Variants in UBR2 observed in about 807,000 individuals in gnomAD.
UBR2 encodes the protein ubiquitin protein ligase E3 component n-recognin 2.
In UBR2, 92 loss-of-function variants were observed where a neutral mutation model predicts 247.9. That is an observed-to-expected ratio of 0.37 (90% CI 0.31 to 0.44). UBR2 has a LOEUF of 0.44. Ranked by LOEUF, UBR2 falls within the 20% of genes least tolerant of loss-of-function variation. UBR2 has a pLI of 1.00. For synonymous variants in UBR2, 672 were observed against 693.5 expected, an observed-to-expected ratio of 0.97 and a Z score of 0.49; for missense variants, 1,613 against 2,112.6, an observed-to-expected ratio of 0.76 and a Z score of 4.64.
Position 42,645,520 on chromosome 6 carries a change from G to A in UBR2, c.2339G>A (p.Arg780Gln), listed in dbSNP as rs765593609. 5.2e-5 allele frequency: 84 copies of A among 1,613,718 alleles called. No homozygotes were observed. The highest frequency in any genetic ancestry group is 4.5e-5 in the Non-Finnish European group (53 of 1,179,784). The change falls in exon 21 of 47, where the codon CGA becomes CAA. Residue 780 changes from arginine to glutamine, a missense_variant. Physicochemically the swap from Arg to Gln is conservative, Grantham distance 43. Around this residue, in one of 3 missense-constraint regions of UBR2, gnomAD observed 1,524 missense variants for 1,967.3 expected, o/e 0.77. Coordinates refer to ENST00000372901, the MANE Select transcript of UBR2 (RefSeq NM_001363705.2). ...GTAAATGCTACAGATGAAATCAAGC[G>A]AGAGATTATCCATCAGTTGAGTATC... ...GQVNATDEIK[R>Q]EIIHQLSIKP...
intron 30 of UBR2, among the ~76,000 whole-genome samples, chr6:42,661,702 G>C (rs1797817659): frequency 6.6e-6 from 1 of 152,070 alleles, no homozygotes; most frequent in South Asian, 2.1e-4. Context: ...GCTCTGATGT[G>C]ATTATTCGCT....
At chr6:42,576,652 C>T (rs1791537417) in intron 2 of UBR2, among the ~76,000 whole-genome samples, 1 of 151,616 alleles carries the variant, frequency 6.6e-6, no homozygotes, top group Admixed American at 6.6e-5. Flanking sequence ...GCCTCTGCCT[C>T]CCGAGTAGAT....
At chr6:42,633,877 C>A (rs1186557188) in intron 13 of UBR2, among the ~76,000 whole-genome samples, 5 of 151,420 alleles carry the variant, frequency 3.3e-5, no homozygotes, top group Non-Finnish European at 7.4e-5. Context: ...ATTACAGGCA[C>A]CTGCCACCAT....
intron 3 of UBR2, 73 bp from the exon 4 acceptor site, chr6:42,594,118 G>C: frequency 1.3e-5 from 15 of 1,172,766 alleles, no homozygotes; most frequent in Non-Finnish European, 1.9e-5. Flanking sequence ...CTTAGCACTT[G>C]ATATTCTTAT....
intron 1 of UBR2, among the ~76,000 whole-genome samples, chr6:42,572,643 T>TC (rs146711828): frequency 0.022 from 3,348 of 151,978 alleles, 118 homozygotes; most frequent in African/African-American, 0.075. Flanking sequence ...TCAACTCACT[T>TC]CCCCTTCCTC....
intron 33 of UBR2, among the ~76,000 whole-genome samples, chr6:42,665,965 G>T: frequency 6.6e-6 from 1 of 152,028 alleles, no homozygotes; most frequent in East Asian, 1.9e-4. Context: ...TGTTTTAGTG[G>T]CTGTACTATA....
chr6:42,619,437 ATATATATATATATATATTTT>A (rs1443581303), intron 11 of UBR2: 8 of 21,222 alleles, frequency 3.8e-4, no homozygotes, highest in Non-Finnish European at 7.4e-4. Flanking sequence ...ATATATATAT[ATATATATATATATATATTTT>A]TTTTTTTTAG....
At chr6:42,595,451 A>G (rs944685674) in intron 4 of UBR2, among the ~76,000 whole-genome samples, 2 of 152,194 alleles carry the variant, frequency 1.3e-5, no homozygotes, top group African/African-American at 4.8e-5. Context: ...GTGGACATCA[A>G]TAGTCCTTCC....
intron 23 of UBR2, among the ~76,000 whole-genome samples, chr6:42,651,592 G>GC (rs928577271): frequency 6.6e-6 from 1 of 152,044 alleles, no homozygotes; most frequent in Non-Finnish European, 1.5e-5. Context: ...CCAGGTTCAA[G>GC]CAATTATCCT....
intron 40 of UBR2, 131 bp from the exon 41 acceptor site, chr6:42,678,408 T>TTGCC (rs1798844028): frequency 3.2e-6 from 3 of 932,706 alleles, no homozygotes; most frequent in Non-Finnish European, 4.6e-6. Context: ...ACACACCCAC[T>TTGCC]TGCCTGTTAA....
chr6:42,575,400 T>C (rs1208043395), intron 2 of UBR2, among the ~76,000 whole-genome samples: 1 of 152,222 alleles, frequency 6.6e-6, no homozygotes, highest in Non-Finnish European at 1.5e-5. Context: ...TGTTGATGTT[T>C]GGAGCAGTAG....
intron 4 of UBR2, among the ~76,000 whole-genome samples, chr6:42,601,655 T>C (rs1793367149): frequency 7.3e-6 from 1 of 137,464 alleles, no homozygotes; most frequent in Admixed American, 7.8e-5. Flanking sequence ...GCCATTGCAC[T>C]CCAGCCTGGG....
At chr6:42,633,718 T>TTTTTGTTTTGTTTTG (rs70990117) in intron 13 of UBR2, among the ~76,000 whole-genome samples, 2 of 148,656 alleles carry the variant, frequency 1.3e-5, no homozygotes, top group Admixed American at 6.7e-5. Flanking sequence ...TTTTGTTTGT[T>TTTTTGTTTTGTTTTG]TTTTGTTTTG....
At chr6:42,577,450 A>G (rs965561741) in intron 2 of UBR2, among the ~76,000 whole-genome samples, 1 of 152,218 alleles carries the variant, frequency 6.6e-6, no homozygotes, top group African/African-American at 2.4e-5. Context: ...GGGTGTTCGT[A>G]GGCAGTAAGC....
At position 42,665,581 on chromosome 6, in the gene UBR2, G is replaced by A. The variant is rs561083517; in HGVS notation, c.3802+69G>A. 5.2e-4 allele frequency: 658 copies of A among 1,267,446 alleles called. 13 individuals are homozygous for A. The South Asian group carries it at 8.9e-3, about 17-fold the overall frequency. The allele number at this position is 1,267,446 out of a possible 1,614,324, so 78.5% of individuals were successfully genotyped here. On this transcript the variant is annotated intron_variant, in intron 33 of 46. Transcript: ENST00000372901. ...GTCATCAGAAAATGTATTTCCAGAAGAAGTTGTTTAAAAGTGAAACCTCCC... is the reference window on the plus strand; with the variant it reads ...GTCATCAGAAAATGTATTTCCAGAAAAAGTTGTTTAAAAGTGAAACCTCCC...
intron 15 of UBR2, among the ~76,000 whole-genome samples, 172 bp from the exon 16 acceptor site, chr6:42,640,031 AATTAAT>A (rs967838428): frequency 3.3e-5 from 5 of 152,124 alleles, no homozygotes; most frequent in African/African-American, 9.7e-5. Context: ...CGTCTCAAAA[AATTAAT>A]AATAATAATA....
intron 4 of UBR2, among the ~76,000 whole-genome samples, chr6:42,594,844 T>C (rs934246891): frequency 6.6e-6 from 1 of 152,230 alleles, no homozygotes; most frequent in Non-Finnish European, 1.5e-5. Context: ...TAAATGGATT[T>C]GTAATGGAAT....
At chr6:42,644,023 A>T (rs1796595938) in intron 18 of UBR2, among the ~76,000 whole-genome samples, 191 bp from the exon 19 acceptor site, 1 of 152,002 alleles carries the variant, frequency 6.6e-6, no homozygotes, top group African/African-American at 2.4e-5. Context: ...TCCTTTCCAC[A>T]CTTGCCTGCT....
chr6:42,659,822 T>C lies in UBR2; in HGVS notation c.3409T>C (p.Ser1137Pro), dbSNP rs1486206603. 1 of 1,614,120 alleles carries C rather than the reference T, an allele frequency of 6.2e-7. No homozygotes were observed. The highest frequency in any genetic ancestry group is 8.5e-7 in the Non-Finnish European group (1 of 1,180,012). ...AAFVQRSTVL[S>P]KNRSKFIQDP... The stretch of plus-strand genomic sequence containing the variant: ...ATTTGTTCAGAGATCAACTGTATTA[T>C]CAAAAAACAGAAGTAAATTTATTCA... Residue 1137 changes from serine (S) to proline (P), a missense_variant, in exon 30 of 47, where the codon TCA becomes CCA. By Grantham distance (74) the Ser-to-Pro change is moderately conservative. Coordinates refer to ENST00000372901, the MANE Select transcript of UBR2 (RefSeq NM_001363705.2). This position sits in a 1 kb window ranked among gnomAD's most constrained non-coding sequence, Gnocchi z 4.3.
Sources: gnomAD v4.1 joint callset for allele counts (sites outside exome capture counted in the v4.1 genomes callset) on GRCh38, gnomAD v4.1.1 for gene constraint, gnomAD v4.1.1 regional missense constraint, Gnocchi (gnomAD v3.1) non-coding constraint, MANE v1.5 for transcripts, NCBI Gene and HGNC (gene_info 2026-07-23, HGNC 2026-07-21) for gene names.